ZNF423: variants seen among roughly 807,000 people sequenced by gnomAD.
ZNF423 encodes Ebf-associated zinc finger protein.
In ZNF423, 12 loss-of-function variants were observed where a neutral mutation model predicts 95.8. That is an observed-to-expected ratio of 0.13 (90% CI 0.08 to 0.20). The LOEUF is 0.20. ZNF423 is among the 10% of genes least tolerant of loss of function. The probability of loss-of-function intolerance (pLI) is 1.00; values close to 1 mark genes in which losing one functional copy is unlikely to be tolerated. For synonymous variants in ZNF423, 749 were observed against 711.9 expected (o/e 1.05, Z -0.83); for missense variants, 1,316 against 1,737.1 (o/e 0.76, Z 4.31).
intron 3 of ZNF423, among the ~76,000 whole-genome samples, chr16:49,661,419 C>T (rs7194614): frequency 0.054 from 8,241 of 152,266 alleles, 450 homozygotes; most frequent in African/African-American, 0.14. Flanking sequence ...CACCAGAAAC[C>T]TCCTTACTTC....
chr16:49,646,673 C>A (rs371661577), intron 3 of ZNF423, among the ~76,000 whole-genome samples: 55 of 151,428 alleles, frequency 3.6e-4, no homozygotes, highest in African/African-American at 1.2e-3. Context: ...TGGGTTCAAG[C>A]AATTCTCTGC....
chr16:49,844,666 C>A (rs1283509544), intron 1 of ZNF423, among the ~76,000 whole-genome samples: 1 of 152,248 alleles, frequency 6.6e-6, no homozygotes, highest in African/African-American at 2.4e-5. Context: ...CTCATTCATT[C>A]ATTCACTTGT....
At chr16:49,688,836 C>T (rs1472696221) in intron 3 of ZNF423, among the ~76,000 whole-genome samples, 11 of 152,202 alleles carry the variant, frequency 7.2e-5, no homozygotes, top group Non-Finnish European at 1.3e-4. Context: ...CTTCTTTCAG[C>T]ACCTCCAGTT....
chr16:49,644,311 C>T (rs946965491), intron 3 of ZNF423, among the ~76,000 whole-genome samples: 1 of 151,976 alleles, frequency 6.6e-6, no homozygotes, highest in African/African-American at 2.4e-5. Flanking sequence ...CCAGGAAGTT[C>T]CAGGTTACTA....
At chr16:49,593,784 C>T (rs149113605) in intron 5 of ZNF423, among the ~76,000 whole-genome samples, 1 of 152,096 alleles carries the variant, frequency 6.6e-6, no homozygotes, top group Non-Finnish European at 1.5e-5. Flanking sequence ...ACTTCCTTTG[C>T]AAAGTGAGTA....
At chr16:49,815,870 C>CAAACAAACAA (rs1567355991) in intron 1 of ZNF423, among the ~76,000 whole-genome samples, 6 of 39,528 alleles carry the variant, frequency 1.5e-4, no homozygotes, top group South Asian at 2.5e-3. Context: ...TCCAAACAAA[C>CAAACAAACAA]AAAAAAAAAA....
intron 3 of ZNF423, among the ~76,000 whole-genome samples, chr16:49,698,298 T>A (rs2032049517): frequency 6.6e-6 from 1 of 151,566 alleles, no homozygotes; most frequent in African/African-American, 2.4e-5. Flanking sequence ...ATTATCTGAG[T>A]GTGCAGCCTG....
chr16:49,696,864 C>T (rs1468709615), intron 3 of ZNF423, among the ~76,000 whole-genome samples: 1 of 152,220 alleles, frequency 6.6e-6, no homozygotes, highest in Non-Finnish European at 1.5e-5. Context: ...CCTGTCTCCT[C>T]TCCAGGCCCC....
chr16:49,713,668 G>A (rs776083537), intron 3 of ZNF423, among the ~76,000 whole-genome samples: 7 of 152,176 alleles, frequency 4.6e-5, no homozygotes, highest in Non-Finnish European at 8.8e-5. Context: ...GTTTGAGTGC[G>A]CCATCTGTTT....
At chr16:49,821,048 T>A (rs1261561420) in intron 1 of ZNF423, among the ~76,000 whole-genome samples, 1 of 152,224 alleles carries the variant, frequency 6.6e-6, no homozygotes, top group African/African-American at 2.4e-5. Context: ...GACTCTTTTA[T>A]TTGCATTGGA....
chr16:49,802,001 A>C (rs956079029), intron 1 of ZNF423, among the ~76,000 whole-genome samples: 2 of 152,110 alleles, frequency 1.3e-5, no homozygotes, highest in South Asian at 4.1e-4. Context: ...GGAACATGCC[A>C]TTATACCCAG....
At chr16:49,498,511 C>T (rs1967255055) in intron 7 of ZNF423, among the ~76,000 whole-genome samples, 1 of 152,216 alleles carries the variant, frequency 6.6e-6, no homozygotes, top group Non-Finnish European at 1.5e-5. Flanking sequence ...GCAGCTTGCC[C>T]TTAAATCTGG....
chr16:49,664,335 G>A, intron 3 of ZNF423: 2 of 966,664 alleles, frequency 2.1e-6, no homozygotes, highest in Non-Finnish European at 2.5e-6. Flanking sequence ...CCAGCTAGCG[G>A]GAGAGGAAGG....
chr16:49,646,578 T>C (rs1973181267), intron 3 of ZNF423, among the ~76,000 whole-genome samples: 1 of 144,878 alleles, frequency 6.9e-6, no homozygotes, highest in South Asian at 2.2e-4. Context: ...CTTTTTCTTT[T>C]TTTTTTTTTT....
At chr16:49,639,564 G>A (rs1482461745) in intron 3 of ZNF423, among the ~76,000 whole-genome samples, 3 of 152,122 alleles carry the variant, frequency 2.0e-5, no homozygotes, top group African/African-American at 7.2e-5. Context: ...GGGTTTCCTG[G>A]CCCAGGCCAT....
intron 2 of ZNF423, among the ~76,000 whole-genome samples, chr16:49,767,905 C>G (rs2033958396): frequency 6.6e-6 from 1 of 152,210 alleles, no homozygotes; most frequent in Non-Finnish European, 1.5e-5. Context: ...TACGTCGGGT[C>G]CTCCCCACTG....
intron 2 of ZNF423, among the ~76,000 whole-genome samples, chr16:49,780,077 C>T (rs566899451): frequency 5.8e-4 from 88 of 152,292 alleles, no homozygotes; most frequent in Middle Eastern, 3.4e-3. Flanking sequence ...TCCGTGGAAG[C>T]GAAGTCATCA....
At chr16:49,833,494 C>T (rs2035083266) in intron 1 of ZNF423, among the ~76,000 whole-genome samples, 1 of 152,186 alleles carries the variant, frequency 6.6e-6, no homozygotes, top group Admixed American at 6.5e-5. Flanking sequence ...TGGCCCTAAC[C>T]AAGCTCGCTA....
At chr16:49,852,014 G>A (rs11861668) in intron 1 of ZNF423, among the ~76,000 whole-genome samples, 1,861 of 152,236 alleles carry the variant, frequency 0.012, 40 homozygotes, top group African/African-American at 0.042. Context: ...AACAAATCTC[G>A]ACAATTTATA....
Sources: allele counts gnomAD v4.1 joint callset (sites outside exome capture counted in the v4.1 genomes callset), GRCh38; gene constraint gnomAD v4.1.1; transcripts MANE v1.5; gene names NCBI Gene and HGNC (gene_info 2026-07-23, HGNC 2026-07-21).